CHODL: variants seen among roughly 807,000 people sequenced by gnomAD.
The protein encoded by CHODL is chondrolectin.
In CHODL, 29 loss-of-function variants were observed where a neutral mutation model predicts 34.5. The observed-to-expected ratio is 0.84, with a 90% CI of 0.63 to 1.15. The LOEUF (loss-of-function observed/expected upper bound fraction) is 1.15. Ranked by LOEUF, CHODL falls within the 50% of genes most tolerant of loss-of-function variation. The probability of loss-of-function intolerance (pLI) is 0.00; values close to 1 mark genes in which losing one functional copy is unlikely to be tolerated. For missense variants in CHODL, 332 were observed against 332.5 expected (o/e 1.00, Z 0.01); for synonymous variants, 125 against 116.1 (o/e 1.08, Z -0.49).
rs191551427 is a variant in CHODL at position 18,198,847 on chromosome 21, G to A, written c.-44-57662G>A. Among the ~76,000 whole-genome samples the A allele has an allele frequency of 9.7e-4, 147 of 151,854 alleles. 1 individual carries two copies. Among genetic ancestry groups the A allele is most frequent in the East Asian group, 7.7e-3 (40 of 5,172 alleles). On this transcript the variant is annotated intron_variant, in intron 2 of 6. Coordinates refer to the CHODL transcript ENST00000400127. ...GTATGACCACCCAAAGTAAGAGAGTGGAAATCAAAAATTAAGCATATATTA... is the reference window on the plus strand; with the variant it reads ...GTATGACCACCCAAAGTAAGAGAGTAGAAATCAAAAATTAAGCATATATTA...
At chr21:18,114,152 G>A (rs150565364) in intron 2 of CHODL, among the ~76,000 whole-genome samples, 1 of 152,258 alleles carries the variant, frequency 6.6e-6, no homozygotes, top group East Asian at 1.9e-4. Context: ...AGAATAGTGG[G>A]GAGTTGGGGA....
intron 1 of CHODL, among the ~76,000 whole-genome samples, chr21:17,943,050 A>G (rs528046594): frequency 6.6e-6 from 1 of 152,298 alleles, no homozygotes; most frequent in East Asian, 1.9e-4. Context: ...TGCCCCTGGT[A>G]CAGCTTGCAG....
intron 2 of CHODL, among the ~76,000 whole-genome samples, chr21:18,198,636 G>T (rs1396045151): frequency 6.6e-6 from 1 of 151,982 alleles, no homozygotes; most frequent in Non-Finnish European, 1.5e-5. Flanking sequence ...GGTGTTTTGT[G>T]GTAGAATAGT....
intron 2 of CHODL, among the ~76,000 whole-genome samples, chr21:18,089,707 G>A (rs1338734298): frequency 1.3e-5 from 2 of 152,066 alleles, no homozygotes; most frequent in Admixed American, 6.6e-5. Flanking sequence ...TTTTCTTTCT[G>A]AGACACCATT....
Position 18,130,398 on chromosome 21 carries a change from A to T in CHODL, c.-45+102427A>T, listed in dbSNP as rs554865587. ...CTCTATCTTCTCTCAGCCTTTGTGC[A>T]TAGTTAAAACAATTCTTGGCCAGTG... is the stretch of plus-strand genomic sequence containing the variant. On this transcript the variant is annotated intron_variant, in intron 2 of 6. Coordinates refer to the CHODL transcript ENST00000400127. Among the ~76,000 whole-genome samples the T allele has an allele frequency of 2.6e-4, 39 of 152,230 alleles. 1 individual carries two copies. The highest frequency in any genetic ancestry group is 4.1e-4 in the Non-Finnish European group (28 of 68,034).
intron 2 of CHODL, among the ~76,000 whole-genome samples, chr21:18,182,932 G>A (rs562914927): frequency 6.6e-6 from 1 of 152,232 alleles, no homozygotes; most frequent in East Asian, 1.9e-4. Context: ...AGTATATGGA[G>A]GTAGGCCAAG....
intron 2 of CHODL, among the ~76,000 whole-genome samples, chr21:18,056,278 T>C (rs183694046): frequency 6.6e-6 from 1 of 152,124 alleles, no homozygotes; most frequent in African/African-American, 2.4e-5. Context: ...TCATTTCAAA[T>C]CTTGTTTATG....
chr21:18,085,894 ACT>A (rs1375739330), intron 2 of CHODL, among the ~76,000 whole-genome samples: 3 of 151,482 alleles, frequency 2.0e-5, no homozygotes, highest in African/African-American at 4.8e-5. Context: ...TGGATTTCTG[ACT>A]CTCTTGCAAG....
intron 1 of CHODL, among the ~76,000 whole-genome samples, chr21:17,973,287 A>G (rs2063631488): frequency 6.6e-6 from 1 of 152,228 alleles, no homozygotes; most frequent in South Asian, 2.1e-4. Flanking sequence ...CAAAATTGAC[A>G]AATGGGATCT....
intron 1 of CHODL, among the ~76,000 whole-genome samples, chr21:18,018,343 T>A (rs1428717110): frequency 6.6e-6 from 1 of 152,114 alleles, no homozygotes; most frequent in Non-Finnish European, 1.5e-5. Context: ...AAATCTCATG[T>A]TGAATTGTAA....
Position 18,234,143 on chromosome 21 carries a change from G to A in CHODL, c.-44-22366G>A, listed in dbSNP as rs191796644. ...ACCTTAAAGACAATAAATACTACTT[G>A]GCGTGAAAACAAATATGTTCTCTCG... is the stretch of plus-strand genomic sequence containing the variant. On this transcript the variant is annotated intron_variant, in intron 2 of 6. Coordinates refer to the CHODL transcript ENST00000400127. Among the ~76,000 whole-genome samples the A allele has an allele frequency of 2.2e-4, 33 of 152,112 alleles. No individual in the cohort carries two copies. The East Asian group carries it at 6.2e-3, about 29-fold the overall frequency.
intron 2 of CHODL, among the ~76,000 whole-genome samples, chr21:18,182,882 C>T (rs1007917215): frequency 1.3e-5 from 2 of 152,184 alleles, no homozygotes; most frequent in African/African-American, 2.4e-5. Flanking sequence ...CTGCCACCCA[C>T]TCTCTCCACA....
intron 2 of CHODL, among the ~76,000 whole-genome samples, chr21:18,212,038 C>T (rs555880273): frequency 1.5e-4 from 23 of 152,022 alleles, no homozygotes; most frequent in Admixed American, 1.4e-3. Flanking sequence ...ACTAAATGGA[C>T]AAAAATAAAG....
chr21:18,181,092 ATTTC>A (rs2073376338), intron 2 of CHODL, among the ~76,000 whole-genome samples: 1 of 152,104 alleles, frequency 6.6e-6, no homozygotes, highest in African/African-American at 2.4e-5. Flanking sequence ...ACTTGTTATT[ATTTC>A]TTTTATTCCT....
chr21:18,093,978 C>T (rs1191675109), intron 2 of CHODL, among the ~76,000 whole-genome samples: 1 of 151,992 alleles, frequency 6.6e-6, no homozygotes, highest in Non-Finnish European at 1.5e-5. Context: ...TTACAGGAAA[C>T]ACACTTCACC....
intron 2 of CHODL, among the ~76,000 whole-genome samples, chr21:18,185,185 C>G (rs564249992): frequency 6.6e-5 from 10 of 152,248 alleles, no homozygotes; most frequent in Admixed American, 3.3e-4. Context: ...CCCCCTACCC[C>G]TGGCAGGCAC....
chr21:17,950,319 G>T (rs2063445489), intron 1 of CHODL, among the ~76,000 whole-genome samples: 1 of 151,710 alleles, frequency 6.6e-6, no homozygotes, highest in Admixed American at 6.6e-5. Flanking sequence ...AATAATTCAA[G>T]GAAGAAATTG....
At chr21:17,968,550 C>CT (rs921867930) in intron 1 of CHODL, among the ~76,000 whole-genome samples, 5 of 152,036 alleles carry the variant, frequency 3.3e-5, no homozygotes, top group African/African-American at 9.6e-5. Context: ...CTAATGGTTT[C>CT]TTTTTTTTCA....
At chr21:18,231,044 G>A (rs1026385640) in intron 2 of CHODL, among the ~76,000 whole-genome samples, 1 of 152,042 alleles carries the variant, frequency 6.6e-6, no homozygotes, top group Non-Finnish European at 1.5e-5. Context: ...CCGACCATGG[G>A]CGGAACACCT....
Sources: allele counts gnomAD v4.1 joint callset (sites outside exome capture counted in the v4.1 genomes callset), GRCh38; gene constraint gnomAD v4.1.1; transcripts MANE v1.5; gene names NCBI Gene and HGNC (gene_info 2026-07-23, HGNC 2026-07-21).